The following KCTD6 variants were observed in gnomAD, a reference collection of about 807,000 sequenced individuals.
The protein encoded by KCTD6 is potassium channel tetramerization domain containing 6.
In KCTD6, 6 loss-of-function variants were observed where a neutral mutation model predicts 18.7. That is an observed-to-expected ratio of 0.32 (90% CI 0.18 to 0.63). KCTD6 has a LOEUF of 0.63. Ranked by LOEUF, KCTD6 falls within the 30% of genes least tolerant of loss-of-function variation. KCTD6 has a pLI of 0.79. For synonymous variants in KCTD6, 86 were observed against 108.5 expected (o/e 0.79, Z 1.29); for missense variants, 165 against 300.2 (o/e 0.55, Z 3.33).
chr3:58,495,901 C>A (rs2107974119), intron 1 of KCTD6, among the ~76,000 whole-genome samples: 1 of 146,480 alleles, frequency 6.8e-6, no homozygotes, highest in Middle Eastern at 3.5e-3. Flanking sequence ...TAGATAACTG[C>A]TCAAGAAGTT....
Position 58,496,668 on chromosome 3 carries a change from C to T in KCTD6, c.-43-2045C>T, listed in dbSNP as rs893851298. Among the ~76,000 whole-genome samples the T allele has an allele frequency of 2.0e-5, 3 of 152,192 alleles. No individual in the cohort carries two copies. Among genetic ancestry groups the T allele is most frequent in the Non-Finnish European group, 4.4e-5 (3 of 68,036 alleles). The stretch of plus-strand genomic sequence containing the variant: ...CTCTCACGGGCCTCTGCTGGTCCAT[C>T]TGTTATACAGCACTTTGAATTCTGT... On this transcript the variant is annotated intron_variant, in intron 1 of 2. Transcript: ENST00000404589. This position sits in a 1 kb window ranked among gnomAD's most constrained non-coding sequence, Gnocchi z 5.1.
chr3:58,492,877 C>T lies in KCTD6; in HGVS notation c.-44+708C>T, dbSNP rs1336573915. ...CAGAGATCCTGTTTGGATATTCTGC[C>T]GAAGTTACCATGTTTCTGTTCAAGT... On this transcript the variant is annotated intron_variant, in intron 1 of 2. Transcript: ENST00000404589. This position sits in a 1 kb window ranked among gnomAD's most constrained non-coding sequence, Gnocchi z 6.1. Among the ~76,000 whole-genome samples the T allele has an allele frequency of 6.6e-6, 1 of 152,040 alleles. No individual in the cohort carries two copies. Among genetic ancestry groups the T allele is most frequent in the Non-Finnish European group, 1.5e-5 (1 of 68,010 alleles).
At position 58,496,742 on chromosome 3, in the gene KCTD6, C is replaced by T. The variant is rs1268954082; in HGVS notation, c.-43-1971C>T. The stretch of plus-strand genomic sequence containing the variant: ...TGCCTTCCATTATAGATGGAAAGCT[C>T]CATGAGGGCAAAGATTGTCTTTTTC... On this transcript the variant is annotated intron_variant, in intron 1 of 2. Coordinates refer to ENST00000404589, the MANE Select transcript of KCTD6 (RefSeq NM_001128214.2). This position sits in a 1 kb window ranked among gnomAD's most constrained non-coding sequence, Gnocchi z 5.1. Among the ~76,000 whole-genome samples the T allele has an allele frequency of 6.6e-6, 1 of 152,188 alleles. No homozygotes were observed. The highest frequency in any genetic ancestry group is 1.5e-5 in the Non-Finnish European group (1 of 68,042).
rs1553852998 is a variant in KCTD6 at position 58,497,982 on chromosome 3, C to CTTTTCT, written c.-43-727_-43-726insCTTTTT. 2 of 126,204 alleles carry CTTTTCT rather than the reference C, an allele frequency of 1.6e-5. No homozygotes were observed. Among genetic ancestry groups the CTTTTCT allele is most frequent in the Non-Finnish European group, 3.4e-5 (2 of 58,256 alleles). 7.8% of individuals were successfully genotyped at this position (126,204 alleles called of 1,614,324 possible). On this transcript the variant is annotated intron_variant, in intron 1 of 2. Coordinates refer to ENST00000404589, the MANE Select transcript of KCTD6 (RefSeq NM_001128214.2). This position sits in a 1 kb window ranked among gnomAD's most constrained non-coding sequence, Gnocchi z 4.2. ...CCCTTCTCCCTTTTTCTTTTCTTTT[C>CTTTTCT]TTTTTTTTTTTTTTTTTGAGATGGA... is the stretch of plus-strand genomic sequence containing the variant.
intron 2 of KCTD6, 95 bp from the exon 3 acceptor site, chr3:58,500,851 A>G: frequency 1.3e-6 from 1 of 781,484 alleles, no homozygotes; most frequent in East Asian, 2.5e-5. Context: ...GCCTGAAAGA[A>G]TCTTGGGCTT....
chr3:58,498,770 C>T lies in KCTD6; in HGVS notation c.15C>T (p.Asp5=). MDNG[D]WGYMMTDPVT... ...CACTGGAGCAGATGGATAATGGAGA[C>T]TGGGGCTATATGGTGAGTGCTTCTT... Residue 5 remains aspartate (D), a synonymous_variant, in exon 2 of 3, where the codon GAC becomes GAT. Transcript: ENST00000404589. The surrounding 1 kb of genome is among the most constrained non-coding windows in gnomAD (Gnocchi z 4.6). The T allele has an allele frequency of 6.2e-7, 1 of 1,612,434 alleles. No homozygotes were observed. Among genetic ancestry groups the T allele is most frequent in the Non-Finnish European group, 8.5e-7 (1 of 1,179,260 alleles).
Position 58,497,199 on chromosome 3 carries a change from G to T in KCTD6, c.-43-1514G>T, listed in dbSNP as rs565103247. On this transcript the variant is annotated intron_variant, in intron 1 of 2. Transcript: ENST00000404589. The surrounding 1 kb of genome is among the most constrained non-coding windows in gnomAD (Gnocchi z 4.2). ...GCCCCATAGTCTGGTCCACATTTTA[G>T]TTGTGTGCTTTGAAGGATTTGCAAG... Among the ~76,000 whole-genome samples the T allele has an allele frequency of 6.6e-6, 1 of 152,342 alleles. No homozygotes were observed. The highest frequency in any genetic ancestry group is 6.5e-5 in the Admixed American group (1 of 15,308).
At chr3:58,495,034 GCTT>G (rs1028869927) in intron 1 of KCTD6, among the ~76,000 whole-genome samples, 3 of 152,136 alleles carry the variant, frequency 2.0e-5, no homozygotes, top group Non-Finnish European at 2.9e-5. Flanking sequence ...AGGGTCAGAG[GCTT>G]CTTTGAATTT....
At position 58,497,354 on chromosome 3, in the gene KCTD6, T is replaced by G. The variant is rs2063179276; in HGVS notation, c.-43-1359T>G. ...CTGTAGCTAGGGCTTGTTCTGGGAA[T>G]TCTGTGCCAGATTCCTCTAAAAGTG... On this transcript the variant is annotated intron_variant, in intron 1 of 2. Coordinates refer to ENST00000404589, the MANE Select transcript of KCTD6 (RefSeq NM_001128214.2). This position sits in a 1 kb window ranked among gnomAD's most constrained non-coding sequence, Gnocchi z 4.2. 6.6e-6 allele frequency among the ~76,000 whole-genome samples: 1 copy of G among 152,248 alleles called. No individual in the cohort carries two copies. Among genetic ancestry groups the G allele is most frequent in the African/African-American group, 2.4e-5 (1 of 41,460 alleles).
rs1576977238 is a variant in KCTD6, at chr3:58,492,819, T to C, written c.-44+650T>C. ...GCTGGGCTGACAGTGGTGGAGGCTG[T>C]GTCTGGGGGTGGGACGGGGAAATGA... On this transcript the variant is annotated intron_variant, in intron 1 of 2. Transcript: ENST00000404589. This position sits in a 1 kb window ranked among gnomAD's most constrained non-coding sequence, Gnocchi z 6.1. 6.6e-6 allele frequency among the ~76,000 whole-genome samples: 1 copy of C among 152,162 alleles called. No homozygotes were observed. The highest frequency in any genetic ancestry group is 6.5e-5 in the Admixed American group (1 of 15,280).
chr3:58,502,210 T>A lies in KCTD6; in HGVS notation c.*578T>A, dbSNP rs1484865093. The A allele has an allele frequency of 6.6e-6, 1 of 152,624 alleles. No individual in the cohort carries two copies. The highest frequency in any genetic ancestry group is 2.4e-5 in the African/African-American group (1 of 41,436). The allele number at this position is 152,624 out of a possible 1,614,324, so 9.5% of individuals were successfully genotyped here. A position where few individuals can be genotyped will look rare whatever the true frequency, so the allele number is the denominator to read the frequency against. ...CCAAATATCTGTAGCCATGGAAATGTCTGACTAGAAATATTTATATTGAAT... is the reference window on the plus strand; with the variant it reads ...CCAAATATCTGTAGCCATGGAAATGACTGACTAGAAATATTTATATTGAAT... On this transcript the variant is annotated 3_prime_UTR_variant, in exon 3 of 3. Coordinates refer to ENST00000404589, the MANE Select transcript of KCTD6 (RefSeq NM_001128214.2).
chr3:58,499,637 C>G (rs1368261642), intron 2 of KCTD6, among the ~76,000 whole-genome samples: 1 of 148,680 alleles, frequency 6.7e-6, no homozygotes. Flanking sequence ...TTTCCAAGCT[C>G]AGGTGATTGT....
chr3:58,499,879 G>T (rs1008653053), intron 2 of KCTD6, among the ~76,000 whole-genome samples: 15 of 152,060 alleles, frequency 9.9e-5, no homozygotes, highest in African/African-American at 3.4e-4. Flanking sequence ...CTGAAGGTAT[G>T]TTTTTTAAGA....
rs1247933223 is a variant in KCTD6 at position 58,497,195 on chromosome 3, T to A, written c.-43-1518T>A. On this transcript the variant is annotated intron_variant, in intron 1 of 2. Coordinates refer to ENST00000404589, the MANE Select transcript of KCTD6 (RefSeq NM_001128214.2). This position sits in a 1 kb window ranked among gnomAD's most constrained non-coding sequence, Gnocchi z 4.2. Reference sequence around the variant, plus strand: ...GACTGCCCCATAGTCTGGTCCACATTTTAGTTGTGTGCTTTGAAGGATTTG... The same window carrying A: ...GACTGCCCCATAGTCTGGTCCACATATTAGTTGTGTGCTTTGAAGGATTTG... Among the ~76,000 whole-genome samples, 1 of 152,178 alleles carries A rather than the reference T, an allele frequency of 6.6e-6. No individual in the cohort carries two copies. Among genetic ancestry groups the A allele is most frequent in the Admixed American group, 6.5e-5 (1 of 15,278 alleles).
At chr3:58,500,909 A>G (rs1428090901) in intron 2 of KCTD6, 37 bp from the exon 3 acceptor site, 1 of 1,379,334 alleles carries the variant, frequency 7.2e-7, no homozygotes, top group Non-Finnish European at 9.9e-7. Context: ...AGTATTTAAA[A>G]ATTTCAGATG....
chr3:58,500,851 AT>A, intron 2 of KCTD6, 94 bp from the exon 3 acceptor site: 1 of 781,484 alleles, frequency 1.3e-6, no homozygotes, highest in African/African-American at 1.7e-5. Flanking sequence ...GCCTGAAAGA[AT>A]CTTGGGCTTT....
chr3:58,495,506 A>C (rs2063171580), intron 1 of KCTD6, among the ~76,000 whole-genome samples: 1 of 70,266 alleles, frequency 1.4e-5, no homozygotes, highest in Non-Finnish European at 3.1e-5. Flanking sequence ...GGAATTTTTC[A>C]TGCTTTTTTT....
At position 58,497,305 on chromosome 3, in the gene KCTD6, T is replaced by G. The variant is rs1272005318; in HGVS notation, c.-43-1408T>G. On this transcript the variant is annotated intron_variant, in intron 1 of 2. Coordinates refer to ENST00000404589, the MANE Select transcript of KCTD6 (RefSeq NM_001128214.2). The surrounding 1 kb of genome is among the most constrained non-coding windows in gnomAD (Gnocchi z 4.2). Reference sequence around the variant, plus strand: ...GTTCTCTACATGCCTGAGTGACCTTTTGAGAAAGAGCCTTTGTGATCTTCT... The same window carrying G: ...GTTCTCTACATGCCTGAGTGACCTTGTGAGAAAGAGCCTTTGTGATCTTCT... 6.6e-6 allele frequency among the ~76,000 whole-genome samples: 1 copy of G among 152,238 alleles called. No homozygotes were observed. The highest frequency in any genetic ancestry group is 6.5e-5 in the Admixed American group (1 of 15,284).
Position 58,500,870 on chromosome 3 carries a change from A to G in KCTD6, c.28-76A>G, listed in dbSNP as rs1190677580. On this transcript the variant is annotated intron_variant, in intron 2 of 2. Transcript: ENST00000404589. ...GAAAGAATCTTGGGCTTTGCTCAGT[A>G]TCACTTACTTTCTTAATTTGTCAAA... is the stretch of plus-strand genomic sequence containing the variant. 3.2e-6 allele frequency: 3 copies of G among 923,332 alleles called. No individual in the cohort carries two copies. The East Asian group carries it at 7.2e-5, about 22-fold the overall frequency. 57.2% of individuals were successfully genotyped at this position (923,332 alleles called of 1,614,324 possible).
Sources: gnomAD v4.1 joint callset for allele counts (sites outside exome capture counted in the v4.1 genomes callset) on GRCh38, gnomAD v4.1.1 for gene constraint, Gnocchi (gnomAD v3.1) non-coding constraint, MANE v1.5 for transcripts, NCBI Gene and HGNC (gene_info 2026-07-23, HGNC 2026-07-21) for gene names.